The following PDGFD variants were observed in gnomAD, a reference collection of about 807,000 sequenced individuals.
PDGFD encodes the protein platelet derived growth factor D, also known as platelet-derived growth factor D.
In PDGFD, 30 loss-of-function variants were observed where a neutral mutation model predicts 44.7. The ratio of observed to expected loss-of-function variants is 0.67; its 90% CI spans 0.50 to 0.91. The LOEUF (loss-of-function observed/expected upper bound fraction) is 0.91. Ranked by LOEUF, PDGFD falls within the 40% of genes least tolerant of loss-of-function variation. The probability of loss-of-function intolerance (pLI) is 0.00; values close to 1 mark genes in which losing one functional copy is unlikely to be tolerated. For missense variants in PDGFD, 445 were observed against 457.8 expected, an observed-to-expected ratio of 0.97 and a Z score of 0.25; for synonymous variants, 173 against 168.4, an observed-to-expected ratio of 1.03 and a Z score of -0.21.
rs1159829971 is a variant in PDGFD at position 103,908,934 on chromosome 11, A to T, written c.*760T>A. The T allele has an allele frequency of 6.6e-6, 1 of 152,182 alleles. No homozygotes were observed. Among genetic ancestry groups the T allele is most frequent in the African/African-American group, 2.4e-5 (1 of 41,452 alleles). The allele number at this position is 152,182 out of a possible 1,614,324, so 9.4% of individuals were successfully genotyped here. ...GTCTTTTGTAGGACTATAATAAAAA[A>T]CCTTCTAAGTAAGTTTTTGAGATAG... is the stretch of plus-strand genomic sequence containing the variant. On this transcript the variant is annotated 3_prime_UTR_variant, in exon 7 of 7. Coordinates refer to ENST00000393158, the MANE Select transcript of PDGFD (RefSeq NM_025208.5).
chr11:104,153,762 T>C (rs1862272933), intron 1 of PDGFD, among the ~76,000 whole-genome samples: 1 of 152,078 alleles, frequency 6.6e-6, no homozygotes, highest in Non-Finnish European at 1.5e-5. Context: ...ATACCTCAAA[T>C]AGCAAAATAA....
chr11:104,114,319 GC>G (rs1332102178), intron 1 of PDGFD, among the ~76,000 whole-genome samples: 5 of 149,758 alleles, frequency 3.3e-5, no homozygotes, highest in African/African-American at 4.9e-5. Flanking sequence ...GCATGTGGAT[GC>G]CTACTTGTTC....
chr11:103,999,587 T>G (rs1235202135), intron 2 of PDGFD, among the ~76,000 whole-genome samples: 2 of 152,136 alleles, frequency 1.3e-5, no homozygotes, highest in Admixed American at 6.5e-5. Context: ...CAGGCCCTGA[T>G]AGCTTCCCCA....
intron 1 of PDGFD, among the ~76,000 whole-genome samples, chr11:104,063,713 A>C (rs1191621441): frequency 6.6e-6 from 1 of 152,188 alleles, no homozygotes; most frequent in African/African-American, 2.4e-5. Flanking sequence ...CACGGGAGAG[A>C]GAATGATGGG....
At chr11:104,095,211 T>G (rs1861266611) in intron 1 of PDGFD, among the ~76,000 whole-genome samples, 1 of 152,168 alleles carries the variant, frequency 6.6e-6, no homozygotes, top group East Asian at 1.9e-4. Flanking sequence ...TTTATTTGTT[T>G]GTTTGTTTGT....
At chr11:103,973,451 T>G (rs1391150282) in intron 3 of PDGFD, among the ~76,000 whole-genome samples, 1 of 151,994 alleles carries the variant, frequency 6.6e-6, no homozygotes, top group African/African-American at 2.4e-5. Context: ...CACTTTTAAT[T>G]GAAGGATTAG....
chr11:104,048,397 C>T (rs1307515811), intron 1 of PDGFD, among the ~76,000 whole-genome samples: 1 of 151,822 alleles, frequency 6.6e-6, no homozygotes, highest in Non-Finnish European at 1.5e-5. Context: ...CTACTCTCTT[C>T]TTTCTTGAAT....
At chr11:103,926,687 T>C (rs1858320876) in intron 6 of PDGFD, among the ~76,000 whole-genome samples, 1 of 152,202 alleles carries the variant, frequency 6.6e-6, no homozygotes. Flanking sequence ...ATCCACATGG[T>C]GTATTGTTCA....
At chr11:104,094,046 G>A (rs1038547063) in intron 1 of PDGFD, among the ~76,000 whole-genome samples, 14 of 151,226 alleles carry the variant, frequency 9.3e-5, no homozygotes, top group Non-Finnish European at 1.8e-4. Context: ...TTCAGCCTCC[G>A]CCACTCCACC....
chr11:104,151,131 GCT>G (rs201172493), intron 1 of PDGFD, among the ~76,000 whole-genome samples: 4 of 150,960 alleles, frequency 2.6e-5, no homozygotes, highest in African/African-American at 2.4e-5. Flanking sequence ...TAGAAAGCTC[GCT>G]CTCTCTCTCT....
chr11:103,932,280 T>C (rs1439648279), intron 5 of PDGFD, among the ~76,000 whole-genome samples: 1 of 152,192 alleles, frequency 6.6e-6, no homozygotes, highest in Admixed American at 6.6e-5. Flanking sequence ...CAGTAAAGTA[T>C]TCAATAAATT....
intron 1 of PDGFD, among the ~76,000 whole-genome samples, chr11:104,132,802 C>T (rs551583222): frequency 1.3e-5 from 2 of 152,118 alleles, no homozygotes; most frequent in East Asian, 3.9e-4. Context: ...ATAAATCAAC[C>T]TCCTTAATAC....
intron 1 of PDGFD, among the ~76,000 whole-genome samples, chr11:104,032,340 A>T (rs1470013802): frequency 6.6e-6 from 1 of 152,232 alleles, no homozygotes; most frequent in African/African-American, 2.4e-5. Context: ...CTAAGGGTAC[A>T]GCTTTTAAAA....
At chr11:104,082,749 A>C (rs1040450437) in intron 1 of PDGFD, among the ~76,000 whole-genome samples, 4 of 152,080 alleles carry the variant, frequency 2.6e-5, no homozygotes, top group African/African-American at 9.7e-5. Flanking sequence ...TTTTTGCCTC[A>C]GCATCCCAAG....
chr11:103,943,551 T>G lies in PDGFD; in HGVS notation c.673A>C (p.Lys225Gln), dbSNP rs373328571. The G allele has an allele frequency of 3.0e-5, 48 of 1,613,382 alleles. No homozygotes were observed. The highest frequency in any genetic ancestry group is 3.8e-5 in the Non-Finnish European group (45 of 1,179,600). ...TGCCATGACTCTGGATTGAAGTACT[T>G]GAGCAGATCTTCCACTGTATCAAAT... ...AEFDTVEDLL[K>Q]YFNPESWQED... is the part of the protein sequence containing the mutation. The change falls in exon 5 of 7, where the codon AAG (lysine) becomes CAG (glutamine). Residue 225 changes from lysine to glutamine, a missense_variant. By Grantham distance (53) the Lys-to-Gln change is moderately conservative. Transcript: ENST00000393158.
chr11:103,960,721 A>G (rs899734711), intron 3 of PDGFD, among the ~76,000 whole-genome samples: 1 of 152,166 alleles, frequency 6.6e-6, no homozygotes, highest in African/African-American at 2.4e-5. Flanking sequence ...AAATTCCCAT[A>G]GGATATGTAA....
chr11:104,130,941 A>G (rs989517713), intron 1 of PDGFD, among the ~76,000 whole-genome samples: 2 of 152,218 alleles, frequency 1.3e-5, no homozygotes, highest in Non-Finnish European at 2.9e-5. Context: ...AATGCTGCCA[A>G]TTAAACTGAC....
At chr11:104,089,862 T>C (rs1453819027) in intron 1 of PDGFD, among the ~76,000 whole-genome samples, 1 of 152,190 alleles carries the variant, frequency 6.6e-6, no homozygotes, top group Non-Finnish European at 1.5e-5. Flanking sequence ...ATTGATAACA[T>C]ACTTAAGGAA....
At chr11:104,061,410 G>A (rs910345624) in intron 1 of PDGFD, among the ~76,000 whole-genome samples, 1 of 152,142 alleles carries the variant, frequency 6.6e-6, no homozygotes, top group Non-Finnish European at 1.5e-5. Flanking sequence ...CCAGTATTCA[G>A]AGAAATATAT....
Sources: gnomAD v4.1 joint callset for allele counts (sites outside exome capture counted in the v4.1 genomes callset) on GRCh38, gnomAD v4.1.1 for gene constraint, MANE v1.5 for transcripts, NCBI Gene and HGNC (gene_info 2026-07-23, HGNC 2026-07-21) for gene names.